Variants in ZNF277 observed in about 807,000 individuals in gnomAD.
ZNF277 encodes zinc finger protein 277.
ZNF277 carries 55 observed loss-of-function variants against 60.7 expected under a neutral mutation model. The observed-to-expected ratio is 0.91, with a 90% confidence interval of 0.73 to 1.13. The LOEUF is 1.13. Among genes scored for constraint, ZNF277 ranks in the 50% most tolerant of loss-of-function variants. The pLI, the probability that ZNF277 is intolerant of heterozygous loss-of-function variation, is 0.00. For synonymous variants in ZNF277, 178 were observed against 179.3 expected (o/e 0.99, Z 0.06); for missense variants, 510 against 523.0 (o/e 0.98, Z 0.24).
At chr7:112,260,367 T>C (rs1166190461) in intron 1 of ZNF277, among the ~76,000 whole-genome samples, 1 of 152,226 alleles carries the variant, frequency 6.6e-6, no homozygotes, top group Non-Finnish European at 1.5e-5. Flanking sequence ...TGTTTGGTAG[T>C]TCCTTTTGTT....
At chr7:112,262,136 A>C (rs1297289810) in intron 1 of ZNF277, among the ~76,000 whole-genome samples, 1 of 151,836 alleles carries the variant, frequency 6.6e-6, no homozygotes, top group Admixed American at 6.6e-5. Context: ...GCCTGCATGT[A>C]ATAGCTCTCC....
At chr7:112,286,837 CTTTCTTT>C in intron 1 of ZNF277, 29 bp from the exon 2 acceptor site, 1 of 1,085,146 alleles carries the variant, frequency 9.2e-7, no homozygotes, top group Non-Finnish European at 1.2e-6. Context: ...GCTTTTCTTT[CTTTCTTT>C]TTTTTTTTTT....
chr7:112,245,537 T>A (rs1791064684), intron 1 of ZNF277, among the ~76,000 whole-genome samples: 1 of 152,212 alleles, frequency 6.6e-6, no homozygotes, highest in Non-Finnish European at 1.5e-5. Context: ...AGCCTCACAA[T>A]TCTGGAGGCT....
intron 11 of ZNF277, 92 bp downstream of exon 11, chr7:112,341,138 G>A: frequency 8.4e-7 from 1 of 1,192,466 alleles, no homozygotes; most frequent in Non-Finnish European, 1.1e-6. Flanking sequence ...GAAAAAAAAG[G>A]AATACATATT....
At chr7:112,303,187 G>A (rs1792517499) in intron 4 of ZNF277, among the ~76,000 whole-genome samples, 1 of 151,994 alleles carries the variant, frequency 6.6e-6, no homozygotes. Context: ...CTGACCTCAA[G>A]TGATCCACCT....
intron 1 of ZNF277, among the ~76,000 whole-genome samples, chr7:112,213,957 T>G (rs1821818167): frequency 6.6e-6 from 1 of 152,230 alleles, no homozygotes; most frequent in Non-Finnish European, 1.5e-5. Context: ...TAGTCTGGTC[T>G]TCAATTGTGA....
chr7:112,282,916 A>G (rs1451614550), intron 1 of ZNF277, among the ~76,000 whole-genome samples: 1 of 152,168 alleles, frequency 6.6e-6, no homozygotes, highest in African/African-American at 2.4e-5. Context: ...TCTCCTTCAT[A>G]GGGTTATTGT....
At chr7:112,220,795 T>C (rs1033244523) in intron 1 of ZNF277, among the ~76,000 whole-genome samples, 1 of 152,100 alleles carries the variant, frequency 6.6e-6, no homozygotes, top group Non-Finnish European at 1.5e-5. Flanking sequence ...ACTAAAATGC[T>C]AATTAGGCAA....
chr7:112,246,407 A>G (rs1199089216), intron 1 of ZNF277, among the ~76,000 whole-genome samples: 3 of 152,146 alleles, frequency 2.0e-5, no homozygotes, highest in African/African-American at 7.2e-5. Flanking sequence ...ACAAACAAAC[A>G]AAACAAAACC....
At chr7:112,235,270 C>T (rs898478364) in intron 1 of ZNF277, among the ~76,000 whole-genome samples, 7 of 152,108 alleles carry the variant, frequency 4.6e-5, no homozygotes, top group African/African-American at 1.7e-4. Context: ...GTTTTCACTT[C>T]TCTTGGATAT....
chr7:112,275,152 TC>T (rs1323067673), intron 1 of ZNF277, among the ~76,000 whole-genome samples: 1 of 152,160 alleles, frequency 6.6e-6, no homozygotes, highest in Non-Finnish European at 1.5e-5. Context: ...ACATTTATAT[TC>T]CCAAATCCCT....
chr7:112,238,424 C>A (rs1790860791), intron 1 of ZNF277, among the ~76,000 whole-genome samples: 1 of 152,194 alleles, frequency 6.6e-6, no homozygotes, highest in South Asian at 2.1e-4. Flanking sequence ...GCTAGCCCCA[C>A]CAGCAAGGCT....
chr7:112,270,520 C>T (rs1291216487), intron 1 of ZNF277, among the ~76,000 whole-genome samples: 6 of 152,110 alleles, frequency 3.9e-5, no homozygotes, highest in African/African-American at 7.2e-5. Context: ...GGCAAAAATA[C>T]ATATGAACCA....
intron 4 of ZNF277, among the ~76,000 whole-genome samples, chr7:112,304,103 T>G (rs1248117771): frequency 6.6e-6 from 1 of 152,126 alleles, no homozygotes; most frequent in African/African-American, 2.4e-5. Flanking sequence ...CCTTGTTTAT[T>G]TAAGATTCTA....
intron 7 of ZNF277, among the ~76,000 whole-genome samples, chr7:112,332,769 T>G (rs1289729314): frequency 6.6e-6 from 1 of 152,198 alleles, no homozygotes; most frequent in African/African-American, 2.4e-5. Flanking sequence ...AATGTGTTGA[T>G]GCCTTAGCAT....
At chr7:112,280,291 G>C (rs1791910855) in intron 1 of ZNF277, among the ~76,000 whole-genome samples, 1 of 152,112 alleles carries the variant, frequency 6.6e-6, no homozygotes, top group Admixed American at 6.6e-5. Context: ...AGTATGAGAA[G>C]CGCTTCCCTA....
At chr7:112,310,557 C>T (rs1792708034) in intron 4 of ZNF277, among the ~76,000 whole-genome samples, 1 of 151,622 alleles carries the variant, frequency 6.6e-6, no homozygotes, top group South Asian at 2.1e-4. Context: ...CTTTTACTCC[C>T]ATTTCTATGC....
intron 4 of ZNF277, among the ~76,000 whole-genome samples, chr7:112,308,305 A>G (rs1792645966): frequency 6.6e-6 from 1 of 151,984 alleles, no homozygotes; most frequent in Non-Finnish European, 1.5e-5. Flanking sequence ...ACTTGAGGCC[A>G]GGAGTTCAAG....
At chr7:112,254,429 A>G (rs536762612) in intron 1 of ZNF277, among the ~76,000 whole-genome samples, 1 of 152,348 alleles carries the variant, frequency 6.6e-6, no homozygotes, top group South Asian at 2.1e-4. Flanking sequence ...GGTGTACAGG[A>G]TAGGCAGTGC....
Sources: gnomAD v4.1 joint callset for allele counts (sites outside exome capture counted in the v4.1 genomes callset) on GRCh38, gnomAD v4.1.1 for gene constraint, MANE v1.5 for transcripts, NCBI Gene and HGNC (gene_info 2026-07-23, HGNC 2026-07-21) for gene names.